ASAP1: variants seen among roughly 807,000 people sequenced by gnomAD.
ASAP1 encodes arf-GAP with SH3 domain, ANK repeat and PH domain-containing protein 1.
A neutral mutation model predicts 145.2 loss-of-function variants in ASAP1; 43 were observed. That is an observed-to-expected ratio of 0.30 (90% CI 0.23 to 0.38). The LOEUF is 0.38. Ranked by LOEUF, ASAP1 falls within the 10% of genes least tolerant of loss-of-function variation. The pLI is 1.00. For synonymous variants in ASAP1, 546 were observed against 515.5 expected (o/e 1.06, Z -0.80); for missense variants, 1,018 against 1,355.3 (o/e 0.75, Z 3.91).
intron 1 of ASAP1, among the ~76,000 whole-genome samples, chr8:130,430,005 G>A (rs1258347974): frequency 6.6e-6 from 1 of 152,150 alleles, no homozygotes. Context: ...TTACAAGGTG[G>A]CCAATGGAAA....
At chr8:130,138,416 A>G (rs1426242888) in intron 13 of ASAP1, among the ~76,000 whole-genome samples, 3 of 152,226 alleles carry the variant, frequency 2.0e-5, no homozygotes, top group South Asian at 2.1e-4. Flanking sequence ...GAATGGAACC[A>G]GAAGTCAAGT....
intron 9 of ASAP1, among the ~76,000 whole-genome samples, chr8:130,177,281 T>C (rs895522411): frequency 1.3e-5 from 2 of 152,352 alleles, no homozygotes; most frequent in African/African-American, 2.4e-5. Context: ...TTACAAAGCA[T>C]CTTCTATTTT....
chr8:130,357,983 G>T, intron 3 of ASAP1, 34 bp downstream of exon 3: 2 of 1,585,198 alleles, frequency 1.3e-6, no homozygotes, highest in South Asian at 1.1e-5. Context: ...CGGCAGCGGC[G>T]AGCGTGGACG....
intron 3 of ASAP1, among the ~76,000 whole-genome samples, chr8:130,268,674 T>C (rs1036462828): frequency 2.6e-5 from 4 of 152,032 alleles, no homozygotes; most frequent in African/African-American, 7.3e-5. Flanking sequence ...CTAAAAATAG[T>C]TGGGTTAGAG....
chr8:130,437,978 C>CATT (rs902095662), intron 1 of ASAP1, among the ~76,000 whole-genome samples: 2 of 152,190 alleles, frequency 1.3e-5, no homozygotes, highest in Admixed American at 1.3e-4. Context: ...GAAGAGGAAA[C>CATT]ACCAAAAATA....
rs188165622 is a variant in ASAP1 at position 130,060,640 on chromosome 8, G to T, written c.3131C>A (p.Ser1044Tyr). 4 of 1,614,154 alleles carry T rather than the reference G, an allele frequency of 2.5e-6. No homozygotes were observed. The East Asian group carries it at 6.7e-5, about 27-fold the overall frequency. ...TGGCAGAGTAGGCGTGAGGTCGTTGGAGTCTTCAGATGCTTGCTTTTGGAT... is the reference window on the plus strand; with the variant it reads ...TGGCAGAGTAGGCGTGAGGTCGTTGTAGTCTTCAGATGCTTGCTTTTGGAT... Reference protein sequence around the residue: ...DAIQKQASEDSNDLTPTLPET... With the variant: ...DAIQKQASEDYNDLTPTLPET... The change falls in exon 28 of 30, where the codon TCC becomes TAC. Residue 1044 changes from serine (S) to tyrosine (Y), a missense_variant. Physicochemically the swap from Ser to Tyr is moderately radical, Grantham distance 144. Coordinates refer to ENST00000518721, the MANE Select transcript of ASAP1 (RefSeq NM_018482.4).
In ASAP1 at chr8:130,425,029, T is replaced by C. The variant is rs183504093; in HGVS notation, c.-28+18431A>G. On this transcript the variant is annotated intron_variant, in intron 1 of 29. Coordinates refer to ENST00000518721, the MANE Select transcript of ASAP1 (RefSeq NM_018482.4). ...ATAAATAAATAAATAAAAAAAAGAG[T>C]GGACAAACAGTGTGGGTCAGGCCGG... Among the ~76,000 whole-genome samples, 449 of 140,604 alleles carry C rather than the reference T, an allele frequency of 3.2e-3. 5 individuals are homozygous for C. The highest frequency in any genetic ancestry group is 0.011 in the African/African-American group (439 of 39,394). 92.2% of individuals were successfully genotyped at this position (140,604 alleles called of 152,430 possible). A position where few individuals can be genotyped will look rare whatever the true frequency, so the allele number is the denominator to read the frequency against.
intron 27 of ASAP1, among the ~76,000 whole-genome samples, chr8:130,065,389 C>T (rs1164063772): frequency 6.6e-6 from 1 of 152,140 alleles, no homozygotes; most frequent in African/African-American, 2.4e-5. Context: ...ACCCAGTCCT[C>T]TAGGGTTTTT....
intron 5 of ASAP1, among the ~76,000 whole-genome samples, chr8:130,211,110 T>C (rs1816553413): frequency 6.6e-6 from 1 of 152,202 alleles, no homozygotes; most frequent in Admixed American, 6.5e-5. Flanking sequence ...TCCAACCACC[T>C]ATGCTTCATA....
intron 15 of ASAP1, among the ~76,000 whole-genome samples, chr8:130,133,225 G>A (rs2097585850): frequency 6.6e-6 from 1 of 151,962 alleles, no homozygotes; most frequent in Non-Finnish European, 1.5e-5. Context: ...ATTTATAATA[G>A]TCACACACTG....
intron 2 of ASAP1, among the ~76,000 whole-genome samples, chr8:130,391,198 T>TTCCACTTATAAAAGATACCTAGAGTAG (rs1828269578): frequency 6.6e-6 from 1 of 152,184 alleles, no homozygotes; most frequent in African/African-American, 2.4e-5. Context: ...TATTGTATGA[T>TTCCACTTATAAAAGATACCTAGAGTAG]TCCACTTATA....
intron 3 of ASAP1, among the ~76,000 whole-genome samples, chr8:130,262,076 T>G (rs1018177319): frequency 6.6e-6 from 1 of 151,990 alleles, no homozygotes; most frequent in Non-Finnish European, 1.5e-5. Flanking sequence ...TTTTATACAT[T>G]GTCTTCATGT....
chr8:130,099,700 T>G (rs7826415), intron 24 of ASAP1, among the ~76,000 whole-genome samples: 384 of 124,970 alleles, frequency 3.1e-3, no homozygotes, highest in Non-Finnish European at 3.2e-3. Flanking sequence ...TTTTTTTTTT[T>G]GAGACAGAGT....
intron 24 of ASAP1, among the ~76,000 whole-genome samples, chr8:130,106,889 G>T (rs1380419951): frequency 6.6e-6 from 1 of 152,186 alleles, no homozygotes; most frequent in Non-Finnish European, 1.5e-5. Flanking sequence ...TTTCCCTGGA[G>T]CCCTGAGAGT....
In ASAP1 at chr8:130,377,922, A is replaced by C. The variant is rs932139135; in HGVS notation, c.60-19779T>G. On this transcript the variant is annotated intron_variant, in intron 2 of 29. Coordinates refer to ENST00000518721, the MANE Select transcript of ASAP1 (RefSeq NM_018482.4). Reference sequence around the variant, plus strand: ...CACTGCCCACACTTCTCTCTTATTAAACTCTCTTCGGATTACCCTATTTCC... The same window carrying C: ...CACTGCCCACACTTCTCTCTTATTACACTCTCTTCGGATTACCCTATTTCC... 6.3e-4 allele frequency among the ~76,000 whole-genome samples: 95 copies of C among 151,968 alleles called. 1 individual carries two copies. Among genetic ancestry groups the C allele is most frequent in the Non-Finnish European group, 4.4e-4 (30 of 67,952 alleles).
At chr8:130,377,190 G>A (rs1006778768) in intron 2 of ASAP1, among the ~76,000 whole-genome samples, 3 of 152,084 alleles carry the variant, frequency 2.0e-5, no homozygotes, top group African/African-American at 7.2e-5. Flanking sequence ...CACAGGCATA[G>A]GAAGGATACA....
At chr8:130,301,684 C>G (rs1259974701) in intron 3 of ASAP1, among the ~76,000 whole-genome samples, 2 of 152,172 alleles carry the variant, frequency 1.3e-5, no homozygotes, top group Non-Finnish European at 2.9e-5. Context: ...ATATATCCTA[C>G]AATATTTCCT....
At chr8:130,072,831 G>GTGTGCGTGCGCGCGCGCGC (rs58907739) in intron 27 of ASAP1, among the ~76,000 whole-genome samples, 2 of 110,766 alleles carry the variant, frequency 1.8e-5, no homozygotes, top group African/African-American at 3.6e-5. Context: ...GTGTGCGCGC[G>GTGTGCGTGCGCGCGCGCGC]GGGGGGGGCA....
At chr8:130,230,764 T>C (rs1202165701) in intron 4 of ASAP1, among the ~76,000 whole-genome samples, 1 of 152,146 alleles carries the variant, frequency 6.6e-6, no homozygotes, top group Non-Finnish European at 1.5e-5. Flanking sequence ...TCCACAAACT[T>C]GAAAAACAGC....
Sources: allele counts gnomAD v4.1 joint callset (sites outside exome capture counted in the v4.1 genomes callset), GRCh38; gene constraint gnomAD v4.1.1; transcripts MANE v1.5; gene names NCBI Gene and HGNC (gene_info 2026-07-23, HGNC 2026-07-21).